Variants in DMAP1 observed in about 807,000 individuals in gnomAD.
DMAP1 encodes DNA methyltransferase 1-associated protein 1.
A neutral mutation model predicts 52.7 loss-of-function variants in DMAP1; 26 were observed. The observed-to-expected ratio is 0.49, with a 90% CI of 0.36 to 0.68. DMAP1 has a LOEUF of 0.68. Ranked by LOEUF, DMAP1 falls within the 30% of genes least tolerant of loss-of-function variation. DMAP1 has a pLI of 0.00. For synonymous variants in DMAP1, 231 were observed against 246.0 expected, an observed-to-expected ratio of 0.94 and a Z score of 0.57; for missense variants, 439 against 625.2, an observed-to-expected ratio of 0.70 and a Z score of 3.18.
At chr1:44,219,717 C>T in intron 7 of DMAP1, 89 bp from the exon 8 acceptor site, 1 of 1,499,460 alleles carries the variant, frequency 6.7e-7, no homozygotes, top group Non-Finnish European at 9.2e-7. Flanking sequence ...TACCGTCTCT[C>T]TTCCACCATC....
At chr1:44,217,025 G>A (rs1643807501) in intron 3 of DMAP1, 1 of 152,176 alleles carries the variant, frequency 6.6e-6, no homozygotes, top group Admixed American at 6.5e-5. Flanking sequence ...CTAGGACAGT[G>A]TGTCTCAAAT....
rs749903843 is a variant in DMAP1, at chr1:44,218,622, A to C, written c.587A>C (p.Tyr196Ser). ...GTGGAAGACCTGAAGGAGCGGTACT[A>C]CCACATCTGTGCTAAGCTTGCCAAC... ...RSVEDLKERYYHICAKLANVR... is the reference protein window; with the variant it reads ...RSVEDLKERYSHICAKLANVR... The change falls in exon 5 of 10, where the codon TAC becomes TCC. Residue 196 changes from tyrosine (Y) to serine (S), a missense_variant. Transcript: ENST00000372289. This position sits in a 1 kb window ranked among gnomAD's most constrained non-coding sequence, Gnocchi z 5.6. The C allele has an allele frequency of 2.4e-5, 39 of 1,613,200 alleles. No homozygotes were observed. The highest frequency in any genetic ancestry group is 3.3e-5 in the Non-Finnish European group (39 of 1,179,304).
Position 44,215,523 on chromosome 1 carries a change from T to C in DMAP1, c.393+625T>C, listed in dbSNP as rs709266. ...GGTAGGGGAAAACAAACAACAAACA[T>C]GTAAGGAAATAAATTGGAGTCTTTC... is the stretch of plus-strand genomic sequence containing the variant. On this transcript the variant is annotated intron_variant, in intron 3 of 9. Transcript: ENST00000372289. 3,196 of 334,860 alleles carry C rather than the reference T, an allele frequency of 9.5e-3. 98 individuals are homozygous for C. Among genetic ancestry groups the C allele is most frequent in the African/African-American group, 0.064 (2,974 of 46,430 alleles). The allele number at this position is 334,860 out of a possible 1,614,324, so 20.7% of individuals were successfully genotyped here.
chr1:44,213,822 G>C lies in DMAP1; in HGVS notation c.69G>C (p.Gly23=). Residue 23 remains glycine (G), a synonymous_variant, in exon 1 of 10, where the codon GGG becomes GGC. Transcript: ENST00000372289. The surrounding 1 kb of genome is among the most constrained non-coding windows in gnomAD (Gnocchi z 4.5). ...LGGPEGDAAS[G]TISKKDIINP... ...GTCCAGAAGGGGATGCAGCCTCTGG[G>C]ACCATCAGCAAGAAGGACATTATCA... 1.3e-6 allele frequency: 2 copies of C among 1,595,286 alleles called. No individual in the cohort carries two copies. Among genetic ancestry groups the C allele is most frequent in the Non-Finnish European group, 1.7e-6 (2 of 1,171,222 alleles).
In DMAP1 at chr1:44,218,716, G is replaced by C; in HGVS notation, c.681G>C (p.Lys227Asn). The change falls in exon 5 of 10, where the codon AAG (lysine) becomes AAC (asparagine). Residue 227 changes from lysine to asparagine, a missense_variant. Physicochemically the swap from Lys to Asn is moderately conservative, Grantham distance 94. This residue lies in a region of DMAP1 where 142 missense variants were observed against 149.5 expected (regional missense o/e 0.95). Transcript: ENST00000372289. This position sits in a 1 kb window ranked among gnomAD's most constrained non-coding sequence, Gnocchi z 5.6. ...ATGCTGGGCACGAACGACGGCGGAAGGAACAGCTTGAGCGTCTCTACAACC... is the reference window on the plus strand; with the variant it reads ...ATGCTGGGCACGAACGACGGCGGAACGAACAGCTTGAGCGTCTCTACAACC... ...VFDAGHERRR[K>N]EQLERLYNRT... 1 of 1,613,340 alleles carries C rather than the reference G, an allele frequency of 6.2e-7. No individual in the cohort carries two copies. Among genetic ancestry groups the C allele is most frequent in the Non-Finnish European group, 8.5e-7 (1 of 1,179,478 alleles).
Position 44,213,960 on chromosome 1 carries a change from T to C in DMAP1, c.105+102T>C. 9.2e-7 allele frequency: 1 copy of C among 1,092,122 alleles called. No individual in the cohort carries two copies. Among genetic ancestry groups the C allele is most frequent in the Non-Finnish European group, 1.3e-6 (1 of 744,392 alleles). The allele number at this position is 1,092,122 out of a possible 1,614,324, so 67.7% of individuals were successfully genotyped here. On this transcript the variant is annotated intron_variant, in intron 1 of 9. Transcript: ENST00000372289. This position sits in a 1 kb window ranked among gnomAD's most constrained non-coding sequence, Gnocchi z 4.5. Reference sequence around the variant, plus strand: ...GATGGGTGCTACACTTACAGTGAGTTGGGCGATAAAAGGGGTGACATAACA... The same window carrying C: ...GATGGGTGCTACACTTACAGTGAGTCGGGCGATAAAAGGGGTGACATAACA...
At position 44,214,745 on chromosome 1, in the gene DMAP1, C is replaced by A. The variant is rs940092247; in HGVS notation, c.240C>A (p.Tyr80Ter). 2 of 1,613,870 alleles carry A rather than the reference C, an allele frequency of 1.2e-6. No homozygotes were observed. The highest frequency in any genetic ancestry group is 1.7e-6 in the Non-Finnish European group (2 of 1,179,828). Residue 80 changes from tyrosine (Y) to a stop codon, truncating the protein, a stop_gained, in exon 3 of 10, where the codon TAC (tyrosine) becomes TAA (stop). Coordinates refer to ENST00000372289, the MANE Select transcript of DMAP1 (RefSeq NM_019100.5). LOFTEE classifies it high-confidence loss of function. ...PLLPSDTGQG[Y>*]RTVKAKLGSK... is the part of the protein sequence containing the mutation. ...TACCCAGTGACACTGGCCAGGGATA[C>A]CGTACAGTGAAGGCCAAGTTGGGCT...
chr1:44,214,710 C>A lies in DMAP1; in HGVS notation c.205C>A (p.Pro69Thr). 6.2e-7 allele frequency: 1 copy of A among 1,610,990 alleles called. No homozygotes were observed. The highest frequency in any genetic ancestry group is 8.5e-7 in the Non-Finnish European group (1 of 1,177,516). Residue 69 changes from proline to threonine, a missense_variant, in exon 3 of 10, where the codon CCC becomes ACC. Pro to Thr is a conservative substitution (Grantham distance 38, BLOSUM62 -1). Around this residue, in one of 3 missense-constraint regions of DMAP1, gnomAD observed 118 missense variants for 189.8 expected, o/e 0.62. Transcript: ENST00000372289. ...ALLYSDKKDA[P>T]PLLPSDTGQG... ...CCTAAACCTCCCTGCCAGGGATGCA[C>A]CCCCACTGCTACCCAGTGACACTGG... is the stretch of plus-strand genomic sequence containing the variant.
In DMAP1 at chr1:44,213,671, T is replaced by G; in HGVS notation, c.-83T>G. On this transcript the variant is annotated 5_prime_UTR_variant, in exon 1 of 10. In the 5' UTR this introduces an upstream ATG that the reference lacks. Coordinates refer to ENST00000372289, the MANE Select transcript of DMAP1 (RefSeq NM_019100.5). This position sits in a 1 kb window ranked among gnomAD's most constrained non-coding sequence, Gnocchi z 4.5. The stretch of plus-strand genomic sequence containing the variant: ...AACTCGCCTCCGCTTAGGTCTGGAT[T>G]GGCCCCGCCCCCTGACCTGAGCCTG... The G allele has an allele frequency of 7.7e-7, 1 of 1,305,948 alleles. No homozygotes were observed. The highest frequency in any genetic ancestry group is 1.1e-6 in the Non-Finnish European group (1 of 931,180). The allele number at this position is 1,305,948 out of a possible 1,614,324, so 80.9% of individuals were successfully genotyped here. A position where few individuals can be genotyped will look rare whatever the true frequency, so the allele number is the denominator to read the frequency against.
At position 44,218,872 on chromosome 1, in the gene DMAP1, T is replaced by C; in HGVS notation, c.720+117T>C. Reference sequence around the variant, plus strand: ...CCCCTGCCTCCCACTGATACCTTATTAACTGCCCCAAGCCCATTCCTACTT... The same window carrying C: ...CCCCTGCCTCCCACTGATACCTTATCAACTGCCCCAAGCCCATTCCTACTT... On this transcript the variant is annotated intron_variant, in intron 5 of 9. Transcript: ENST00000372289. This position sits in a 1 kb window ranked among gnomAD's most constrained non-coding sequence, Gnocchi z 5.6. 1 of 1,452,910 alleles carries C rather than the reference T, an allele frequency of 6.9e-7. No homozygotes were observed. Among genetic ancestry groups the C allele is most frequent in the Non-Finnish European group, 9.3e-7 (1 of 1,073,964 alleles). 90.0% of individuals were successfully genotyped at this position (1,452,910 alleles called of 1,614,324 possible).
In DMAP1 at chr1:44,217,735, G is replaced by C. The variant is rs1275023816; in HGVS notation, c.394-576G>C. 2.5e-5 allele frequency: 5 copies of C among 196,970 alleles called. No individual in the cohort carries two copies. The East Asian group carries it at 5.5e-4, about 22-fold the overall frequency. The allele number at this position is 196,970 out of a possible 1,614,324, so 12.2% of individuals were successfully genotyped here. On this transcript the variant is annotated intron_variant, in intron 3 of 9. Transcript: ENST00000372289. ...TGACTCCTTCCTTGGGTCTCTGACA[G>C]ACTCAGCTCGTGGTAGTGCTATTTG...
rs1345000994 is a variant in DMAP1, at chr1:44,213,536, G to A, written c.-218G>A. 2 of 503,534 alleles carry A rather than the reference G, an allele frequency of 4.0e-6. No individual in the cohort carries two copies. Among genetic ancestry groups the A allele is most frequent in the African/African-American group, 4.0e-5 (2 of 50,414 alleles). 31.2% of individuals were successfully genotyped at this position (503,534 alleles called of 1,614,324 possible). A position where few individuals can be genotyped will look rare whatever the true frequency, so the allele number is the denominator to read the frequency against. On this transcript the variant is annotated 5_prime_UTR_variant, in exon 1 of 10. In the 5' UTR this introduces an upstream ATG that the reference lacks. Coordinates refer to ENST00000372289, the MANE Select transcript of DMAP1 (RefSeq NM_019100.5). This position sits in a 1 kb window ranked among gnomAD's most constrained non-coding sequence, Gnocchi z 4.5. ...GCAGCTGCCGGACCCAGGTGCGGAA[G>A]TGCGAGGGCCCAGGTGGCTGAAGGG...
Position 44,218,857 on chromosome 1 carries a change from C to T in DMAP1, c.720+102C>T, listed in dbSNP as rs1643847941. The T allele has an allele frequency of 6.7e-7, 1 of 1,484,030 alleles. No homozygotes were observed. Among genetic ancestry groups the T allele is most frequent in the Non-Finnish European group, 9.1e-7 (1 of 1,098,888 alleles). The allele number at this position is 1,484,030 out of a possible 1,614,324, so 91.9% of individuals were successfully genotyped here. ...TCCCACTCCCAGGTCCCCCTGCCTCCCACTGATACCTTATTAACTGCCCCA... is the reference window on the plus strand; with the variant it reads ...TCCCACTCCCAGGTCCCCCTGCCTCTCACTGATACCTTATTAACTGCCCCA... On this transcript the variant is annotated intron_variant, in intron 5 of 9. Transcript: ENST00000372289. This position sits in a 1 kb window ranked among gnomAD's most constrained non-coding sequence, Gnocchi z 5.6.
At chr1:44,215,382 C>T in intron 3 of DMAP1, 3 of 455,010 alleles carry the variant, frequency 6.6e-6, no homozygotes, top group Non-Finnish European at 1.3e-5. Flanking sequence ...TTCCCCATCT[C>T]AGTGAATGGC....
Position 44,220,575 on chromosome 1 carries a change from C to T in DMAP1, c.1361C>T (p.Ser454Leu). The T allele has an allele frequency of 1.2e-6, 2 of 1,614,214 alleles. No homozygotes were observed. The highest frequency in any genetic ancestry group is 1.3e-5 in the African/African-American group (1 of 75,056). Reference sequence around the variant, plus strand: ...TATCCTCAGAGAAAGCGACGGGAGTCGGCCTCCAGCTCATCTTCCGTGAAG... The same window carrying T: ...TATCCTCAGAGAAAGCGACGGGAGTTGGCCTCCAGCTCATCTTCCGTGAAG... ...LTPNSRKRRESASSSSSVKKA... is the reference protein window; with the variant it reads ...LTPNSRKRRELASSSSSVKKA... Residue 454 changes from serine (S) to leucine (L), a missense_variant, in exon 10 of 10, where the codon TCG (serine) becomes TTG (leucine). Ser to Leu is a moderately radical substitution (Grantham distance 145). Transcript: ENST00000372289.
Position 44,219,462 on chromosome 1 carries a change from G to A in DMAP1, c.963G>A (p.Thr321=), listed in dbSNP as rs372750279. The change falls in exon 7 of 10, where the codon ACG becomes ACA. Residue 321 remains threonine, a synonymous_variant. Coordinates refer to ENST00000372289, the MANE Select transcript of DMAP1 (RefSeq NM_019100.5). The stretch of plus-strand genomic sequence containing the variant: ...CAGACTTCAAGTCTGCAGGTGTCAC[G>A]CTGCGGAGCCAACGGGTACGTGAGT... ...KFPDFKSAGV[T]LRSQRMKLPS... is the part of the protein sequence containing the mutation. 4 of 1,590,604 alleles carry A rather than the reference G, an allele frequency of 2.5e-6. No individual in the cohort carries two copies. Among genetic ancestry groups the A allele is most frequent in the Non-Finnish European group, 2.6e-6 (3 of 1,170,722 alleles).
rs545825259 is a variant in DMAP1 at position 44,214,581 on chromosome 1, G to A, written c.198-122G>A. 2.5e-5 allele frequency: 41 copies of A among 1,612,610 alleles called. No individual in the cohort carries two copies. The South Asian group carries it at 3.9e-4, about 15-fold the overall frequency. On this transcript the variant is annotated intron_variant, in intron 2 of 9. Coordinates refer to ENST00000372289, the MANE Select transcript of DMAP1 (RefSeq NM_019100.5). ...TTAGCAGGATGCAGGAGGACCTGAAGTCTTTTGCTCCAGGACATGACTTTC... is the reference window on the plus strand; with the variant it reads ...TTAGCAGGATGCAGGAGGACCTGAAATCTTTTGCTCCAGGACATGACTTTC...
Position 44,214,750 on chromosome 1 carries a change from C to T in DMAP1, c.245C>T (p.Thr82Ile). Reference sequence around the variant, plus strand: ...AGTGACACTGGCCAGGGATACCGTACAGTGAAGGCCAAGTTGGGCTCCAAG... The same window carrying T: ...AGTGACACTGGCCAGGGATACCGTATAGTGAAGGCCAAGTTGGGCTCCAAG... ...LPSDTGQGYR[T>I]VKAKLGSKKV... Residue 82 changes from threonine (T) to isoleucine (I), a missense_variant, in exon 3 of 10, where the codon ACA (threonine) becomes ATA (isoleucine). Physicochemically the swap from Thr to Ile is moderately conservative, Grantham distance 89 (BLOSUM62 -1). This residue lies in a region of DMAP1 where 118 missense variants were observed against 189.8 expected (regional missense o/e 0.62). Transcript: ENST00000372289. The T allele has an allele frequency of 6.2e-7, 1 of 1,614,024 alleles. No homozygotes were observed.
rs1428603462 is a variant in DMAP1 at position 44,218,804 on chromosome 1, C to T, written c.720+49C>T. The T allele has an allele frequency of 1.9e-6, 3 of 1,553,562 alleles. No homozygotes were observed. The highest frequency in any genetic ancestry group is 2.6e-6 in the Non-Finnish European group (3 of 1,146,382). ...TCCTCCATGCCCCAAACCCCTTGCT[C>T]ATTGTCTCCATCCTCCATCCCCTCA... On this transcript the variant is annotated intron_variant, in intron 5 of 9. Transcript: ENST00000372289. This position sits in a 1 kb window ranked among gnomAD's most constrained non-coding sequence, Gnocchi z 5.6.
Sources: gnomAD v4.1 joint callset for allele counts on GRCh38, gnomAD v4.1.1 for gene constraint, gnomAD v4.1.1 regional missense constraint, Gnocchi (gnomAD v3.1) non-coding constraint, MANE v1.5 for transcripts, NCBI Gene and HGNC (gene_info 2026-07-23, HGNC 2026-07-21) for gene names.